RSRP1: variants seen among roughly 807,000 people sequenced by gnomAD.
The protein encoded by RSRP1 is arginine and serine rich protein 1, also known as arginine/serine-rich protein 1.
A neutral mutation model predicts 33.0 loss-of-function variants in RSRP1; 37 were observed. The observed-to-expected ratio is 1.12, with a 90% CI of 0.86 to 1.48. RSRP1 has a LOEUF of 1.48. Among genes scored for constraint, RSRP1 ranks in the 40% most tolerant of loss-of-function variants. RSRP1 has a pLI of 0.00. For synonymous variants in RSRP1, 167 were observed against 158.7 expected, an observed-to-expected ratio of 1.05 and a Z score of -0.40; for missense variants, 402 against 385.3, an observed-to-expected ratio of 1.04 and a Z score of -0.36.
chr1:25,250,014 G>A (rs924486433), upstream of RSRP1, among the ~76,000 whole-genome samples: 4 of 152,174 alleles, frequency 2.6e-5, no homozygotes, highest in Non-Finnish European at 5.9e-5. Context: ...CCGGGAGACA[G>A]CTAGCGCTCA....
intron 1 of RSRP1, among the ~76,000 whole-genome samples, chr1:25,255,921 A>C (rs1298538066): frequency 6.6e-6 from 1 of 151,698 alleles, no homozygotes; most frequent in African/African-American, 2.4e-5. Flanking sequence ...ATGAAGCTTC[A>C]CTCGCCCACC....
At chr1:25,257,988 C>A (rs1640001633) in intron 1 of RSRP1, among the ~76,000 whole-genome samples, 2 of 152,100 alleles carry the variant, frequency 1.3e-5, no homozygotes, top group African/African-American at 4.8e-5. Flanking sequence ...GATCCTCATT[C>A]ATCAGAAATA....
At chr1:25,335,845 A>C (rs1321374855) in intron 1 of RSRP1, 2 of 83,250 alleles carry the variant, frequency 2.4e-5, no homozygotes, top group Non-Finnish European at 5.8e-5. Flanking sequence ...CCTAGACTAG[A>C]ATGCAGTGGC....
At chr1:25,276,515 A>T (rs1640984451) in intron 1 of RSRP1, among the ~76,000 whole-genome samples, 1 of 20,502 alleles carries the variant, frequency 4.9e-5, no homozygotes, top group Non-Finnish European at 1.9e-3. Context: ...AAACATAGGG[A>T]GACCCCCCCC....
intron 1 of RSRP1, among the ~76,000 whole-genome samples, chr1:25,255,424 A>G (rs1571534473): frequency 6.6e-6 from 1 of 152,328 alleles, no homozygotes; most frequent in South Asian, 2.1e-4. Flanking sequence ...TTCGATCCTC[A>G]TGCTGACAAC....
chr1:25,309,052 C>T lies in RSRP1; in HGVS notation c.-67+28926G>A, dbSNP rs368386643. Among the ~76,000 whole-genome samples the T allele has an allele frequency of 1.0e-3, 136 of 131,942 alleles. 30 individuals carry two copies. Among genetic ancestry groups the T allele is most frequent in the African/African-American group, 1.3e-3 (50 of 38,182 alleles). 86.6% of individuals were successfully genotyped at this position (131,942 alleles called of 152,430 possible). A position where few individuals can be genotyped will look rare whatever the true frequency, so the allele number is the denominator to read the frequency against. ...ATGGAAAGATGGAGAGAGGATTAAG[C>T]GCAAAGTCACAACACTTAATGGGAA... On this transcript the variant is annotated intron_variant, in intron 1 of 1. Coordinates refer to the RSRP1 transcript ENST00000561867.
At chr1:25,270,786 A>G (rs1640476347) in intron 1 of RSRP1, among the ~76,000 whole-genome samples, 2 of 132,240 alleles carry the variant, frequency 1.5e-5, no homozygotes, top group African/African-American at 5.2e-5. Context: ...AAATCCTAAT[A>G]GTACCCATCC....
At chr1:25,291,161 T>TAGACAGACAGACAGACAGAC (rs377224052) in intron 1 of RSRP1, among the ~76,000 whole-genome samples, 1 of 124,022 alleles carries the variant, frequency 8.1e-6, no homozygotes, top group African/African-American at 2.9e-5. Context: ...GATAGATAGA[T>TAGACAGACAGACAGACAGAC]AGACAGACAG....
intron 1 of RSRP1, among the ~76,000 whole-genome samples, chr1:25,311,529 AG>A (rs1446099366): frequency 4.6e-5 from 6 of 131,122 alleles, no homozygotes; most frequent in East Asian, 3.9e-4. Flanking sequence ...CGTCTCAAAA[AG>A]AAAAAAAAAA....
At chr1:25,287,167 G>A (rs1367927928) in intron 1 of RSRP1, among the ~76,000 whole-genome samples, 16 of 134,240 alleles carry the variant, frequency 1.2e-4, no homozygotes, top group Non-Finnish European at 1.9e-4. Flanking sequence ...ACACATGCAC[G>A]CATACACACA....
At chr1:25,260,199 CTT>C (rs1178870928) in intron 1 of RSRP1, among the ~76,000 whole-genome samples, 1 of 152,190 alleles carries the variant, frequency 6.6e-6, no homozygotes, top group Non-Finnish European at 1.5e-5. Context: ...TATGGGGAAT[CTT>C]GTTTTGCCAA....
chr1:25,286,602 C>T (rs1203703401), intron 1 of RSRP1, among the ~76,000 whole-genome samples: 3 of 132,924 alleles, frequency 2.3e-5, no homozygotes, highest in East Asian at 1.9e-4. Flanking sequence ...CTGGCTAACT[C>T]GGAGAAACCC....
rs958930923 is a variant in RSRP1 at position 25,245,383 on chromosome 1, T to C, written c.521-82A>G. The C allele has an allele frequency of 2.8e-6, 4 of 1,452,088 alleles. No homozygotes were observed. In the African/African-American group the frequency reaches 5.7e-5, roughly 21 times the overall value. 90.0% of individuals were successfully genotyped at this position (1,452,088 alleles called of 1,614,324 possible). On this transcript the variant is annotated intron_variant, in intron 2 of 4. Transcript: ENST00000243189. ...AGAGAACTCAGAATTACACAATAAATATGTTATTTTGTGGTATTAAATATA... is the reference window on the plus strand; with the variant it reads ...AGAGAACTCAGAATTACACAATAAACATGTTATTTTGTGGTATTAAATATA...
intron 3 of RSRP1, 104 bp from the exon 4 acceptor site, chr1:25,243,737 C>CA (rs1405864096): frequency 1.3e-5 from 20 of 1,484,850 alleles, no homozygotes; most frequent in African/African-American, 2.8e-5. Flanking sequence ...GCTGTAGACA[C>CA]AAAAATCAAC....
At chr1:25,249,268 G>A (rs1157352173), upstream of RSRP1, among the ~76,000 whole-genome samples, 2 of 152,122 alleles carry the variant, frequency 1.3e-5, no homozygotes, top group African/African-American at 2.4e-5. Context: ...GAATAGGAAA[G>A]GATGGAACAA....
chr1:25,302,685 T>G (rs1023900547), intron 1 of RSRP1, among the ~76,000 whole-genome samples: 1 of 129,918 alleles, frequency 7.7e-6, no homozygotes, highest in African/African-American at 2.7e-5. Context: ...TCACACAGGG[T>G]GGCACAGGCA....
Position 25,315,359 on chromosome 1 carries a change from G to A in RSRP1, c.-67+22619C>T, listed in dbSNP as rs1016049948. Among the ~76,000 whole-genome samples the A allele has an allele frequency of 3.1e-5, 4 of 130,264 alleles. 1 individual carries two copies. The highest frequency in any genetic ancestry group is 1.1e-4 in the African/African-American group (4 of 37,882). 85.5% of individuals were successfully genotyped at this position (130,264 alleles called of 152,430 possible). ...GAAGATATACAAAGATGGCAAAGAT[G>A]AGGGCCTGGAGCTTGCCACACGGAA... On this transcript the variant is annotated intron_variant, in intron 1 of 1. Transcript: ENST00000561867.
At chr1:25,260,799 CTT>C (rs996988638) in intron 1 of RSRP1, among the ~76,000 whole-genome samples, 37 of 140,068 alleles carry the variant, frequency 2.6e-4, no homozygotes, top group African/African-American at 3.9e-4. Flanking sequence ...TGTCATCTTC[CTT>C]TTTTTTTTTT....
chr1:25,252,764 A>C (rs1639830234), intron 1 of RSRP1, among the ~76,000 whole-genome samples: 1 of 151,794 alleles, frequency 6.6e-6, no homozygotes, highest in Non-Finnish European at 1.5e-5. Flanking sequence ...CGAACCTCTG[A>C]CCTCAGGTGA....
Sources: gnomAD v4.1 joint callset for allele counts (sites outside exome capture counted in the v4.1 genomes callset) on GRCh38, gnomAD v4.1.1 for gene constraint, MANE v1.5 for transcripts, NCBI Gene and HGNC (gene_info 2026-07-23, HGNC 2026-07-21) for gene names.